The following BTBD2 variants were observed in gnomAD, a reference collection of about 807,000 sequenced individuals.
BTBD2 encodes the protein BTB domain containing 2.
In BTBD2, 15 loss-of-function variants were observed where a neutral mutation model predicts 44.0. The ratio of observed to expected loss-of-function variants is 0.34; its 90% confidence interval spans 0.23 to 0.53. The LOEUF is 0.53. Ranked by LOEUF, BTBD2 falls within the 20% of genes least tolerant of loss-of-function variation. BTBD2 has a pLI of 0.95. For synonymous variants in BTBD2, 443 were observed against 335.9 expected (o/e 1.32, Z -3.49); for missense variants, 657 against 746.4 (o/e 0.88, Z 1.39).
chr19:2,001,768 C>T (rs1227643645), intron 1 of BTBD2, among the ~76,000 whole-genome samples: 3 of 152,216 alleles, frequency 2.0e-5, no homozygotes, highest in African/African-American at 7.2e-5. Flanking sequence ...GACGGAGTCT[C>T]GCTCTGCCGC....
intron 3 of BTBD2, 55 bp downstream of exon 3, chr19:1,992,965 G>C (rs1201779792): frequency 3.5e-5 from 15 of 433,264 alleles, no homozygotes; most frequent in Non-Finnish European, 4.6e-5. Flanking sequence ...CCCCACCCCG[G>C]CCCCGCCTCC....
chr19:1,997,332 C>T lies in BTBD2; in HGVS notation c.527+12G>A, dbSNP rs200511904. 8 of 1,613,858 alleles carry T rather than the reference C, an allele frequency of 5.0e-6. No homozygotes were observed. In the Admixed American group the frequency reaches 5.0e-5, roughly 10 times the overall value. On this transcript the variant is annotated intron_variant, in intron 2 of 8. Transcript: ENST00000255608. The stretch of plus-strand genomic sequence containing the variant: ...GCCCAGCTCCCCAGCAGGAAGCATC[C>T]GGAAGCATTACTTGAGCAGTGCGAG...
chr19:2,011,121 C>T (rs1336006020), intron 1 of BTBD2, among the ~76,000 whole-genome samples: 2 of 152,094 alleles, frequency 1.3e-5, no homozygotes, highest in East Asian at 1.9e-4. Flanking sequence ...GTCCCGCCAA[C>T]ACATCCAAGC....
chr19:1,989,106 G>GTATC (rs2016135627), intron 5 of BTBD2, among the ~76,000 whole-genome samples: 1 of 152,148 alleles, frequency 6.6e-6, no homozygotes, highest in South Asian at 2.1e-4. Flanking sequence ...TAAGAAGTAT[G>GTATC]TATCTAGCCA....
chr19:1,993,024 G>A lies in BTBD2; in HGVS notation c.680C>T (p.Thr227Met), dbSNP rs1167235147. Residue 227 changes from threonine to methionine, a missense_variant, in exon 3 of 9, where the codon ACG (threonine) becomes ATG (methionine). Thr to Met is a moderately conservative substitution (Grantham distance 81). Transcript: ENST00000255608. ...CCTCGTACCGGCCCCGCCCACCTGC[G>A]TGAGCAGCATGAAGGCGTTGTCGGC... ...LRADNAFMLL[T>M]QARLFDEPQL... 6 of 1,520,992 alleles carry A rather than the reference G, an allele frequency of 3.9e-6. No homozygotes were observed. The highest frequency in any genetic ancestry group is 5.3e-6 in the Non-Finnish European group (6 of 1,130,230). The allele number at this position is 1,520,992 out of a possible 1,614,324, so 94.2% of individuals were successfully genotyped here.
rs2016173094 is a variant in BTBD2, at chr19:1,991,230, G to A, written c.685-408C>T. ...AGCTTCCCGACCACAACATGCCCTT[G>A]GCCACTTGTGGTGGGAGGGGCCGTG... On this transcript the variant is annotated intron_variant, in intron 3 of 8. Coordinates refer to ENST00000255608, the MANE Select transcript of BTBD2 (RefSeq NM_017797.4). 2.2e-5 allele frequency: 4 copies of A among 180,298 alleles called. No homozygotes were observed. In the South Asian group the frequency reaches 4.0e-4, roughly 18 times the overall value. The allele number at this position is 180,298 out of a possible 1,614,324, so 11.2% of individuals were successfully genotyped here.
intron 1 of BTBD2, among the ~76,000 whole-genome samples, chr19:2,000,659 C>T (rs1208234254): frequency 6.6e-6 from 1 of 152,188 alleles, no homozygotes; most frequent in African/African-American, 2.4e-5. Flanking sequence ...GCCCCACTCC[C>T]GGCTGTTCCC....
At chr19:1,999,502 CA>C (rs1379449745) in intron 1 of BTBD2, among the ~76,000 whole-genome samples, 2 of 152,042 alleles carry the variant, frequency 1.3e-5, no homozygotes, top group Non-Finnish European at 2.9e-5. Context: ...CCCATCTCTA[CA>C]AAAACATTGA....
At chr19:2,009,195 TTTTTC>T (rs139715096) in intron 1 of BTBD2, among the ~76,000 whole-genome samples, 70,894 of 149,838 alleles carry the variant, frequency 0.47, 17,953 homozygotes, top group East Asian at 0.69. Flanking sequence ...ATTTTTGTGG[TTTTTC>T]TTTTTTCTTC....
chr19:2,003,759 G>C (rs1197837386), intron 1 of BTBD2, among the ~76,000 whole-genome samples: 1 of 133,966 alleles, frequency 7.5e-6, no homozygotes, highest in Non-Finnish European at 1.6e-5. Context: ...CAACAAAAAC[G>C]AAACTCCGTC....
At position 1,986,320 on chromosome 19, in the gene BTBD2, G is replaced by T. The variant is rs2016080276; in HGVS notation, c.*168C>A. The T allele has an allele frequency of 7.1e-6, 6 of 849,882 alleles. No individual in the cohort carries two copies. The highest frequency in any genetic ancestry group is 1.1e-5 in the Non-Finnish European group (6 of 553,398). The allele number at this position is 849,882 out of a possible 1,614,324, so 52.6% of individuals were successfully genotyped here. A position where few individuals can be genotyped will look rare whatever the true frequency, so the allele number is the denominator to read the frequency against. On this transcript the variant is annotated 3_prime_UTR_variant, in exon 9 of 9. Coordinates refer to ENST00000255608, the MANE Select transcript of BTBD2 (RefSeq NM_017797.4). ...CTGATCCAGCAGCCACACTCGTGGTGAACACAGGGCAACCCCGTCCTGATG... is the reference window on the plus strand; with the variant it reads ...CTGATCCAGCAGCCACACTCGTGGTTAACACAGGGCAACCCCGTCCTGATG...
intron 7 of BTBD2, 44 bp from the exon 8 acceptor site, chr19:1,987,020 C>A: frequency 6.3e-7 from 1 of 1,598,736 alleles, no homozygotes; most frequent in Non-Finnish European, 8.5e-7. Context: ...TGGGGAGGGC[C>A]AACGGGGACC....
chr19:2,014,848 G>T (rs1330835755), intron 1 of BTBD2, among the ~76,000 whole-genome samples: 1 of 150,848 alleles, frequency 6.6e-6, no homozygotes, highest in Admixed American at 6.6e-5. Context: ...GAACAGGCTG[G>T]GGGCGCAAGC....
chr19:1,993,075 A>G lies in BTBD2; in HGVS notation c.629T>C (p.Val210Ala), dbSNP rs1225310638. The G allele has an allele frequency of 6.2e-7, 1 of 1,604,912 alleles. No individual in the cohort carries two copies. Among genetic ancestry groups the G allele is most frequent in the Non-Finnish European group, 8.5e-7 (1 of 1,178,134 alleles). Residue 210 changes from valine to alanine, a missense_variant, in exon 3 of 9, where the codon GTG becomes GCG. Around this residue, in one of 3 missense-constraint regions of BTBD2, gnomAD observed 449 missense variants for 510.9 expected, o/e 0.88. Transcript: ENST00000255608. The stretch of plus-strand genomic sequence containing the variant: ...TCGCAGGTTCTTCTTCAGGAACTCC[A>G]CGCAATGGGCCTCGAGCGCTGGCAC... ...YAVPALEAHC[V>A]EFLKKNLRAD...
chr19:1,992,723 C>T (rs2016195980), intron 3 of BTBD2, among the ~76,000 whole-genome samples: 1 of 152,090 alleles, frequency 6.6e-6, no homozygotes. Context: ...AGGTGCCCGC[C>T]ACCACGCCCG....
intron 1 of BTBD2, among the ~76,000 whole-genome samples, chr19:2,006,963 T>C (rs534914950): frequency 6.6e-6 from 1 of 152,180 alleles, no homozygotes; most frequent in Non-Finnish European, 1.5e-5. Flanking sequence ...GTTCAAGCAA[T>C]TCTCCTGCCT....
At chr19:2,011,973 G>A (rs546937662) in intron 1 of BTBD2, among the ~76,000 whole-genome samples, 1 of 152,006 alleles carries the variant, frequency 6.6e-6, no homozygotes. Context: ...TCCTGCCTCA[G>A]CCTCCCAAGT....
In BTBD2 at chr19:1,987,456, C is replaced by A. The variant is rs750638551; in HGVS notation, c.1181+44G>T. Reference sequence around the variant, plus strand: ...CCCATCTCCGTCATCCCCGAGTCCTCCACCCCCATGTCCGGACCCCCCCGC... The same window carrying A: ...CCCATCTCCGTCATCCCCGAGTCCTACACCCCCATGTCCGGACCCCCCCGC... On this transcript the variant is annotated intron_variant, in intron 6 of 8. Transcript: ENST00000255608. The A allele has an allele frequency of 6.0e-6, 7 of 1,175,062 alleles. No individual in the cohort carries two copies. In the Admixed American group the frequency reaches 1.0e-4, roughly 18 times the overall value. The allele number at this position is 1,175,062 out of a possible 1,614,324, so 72.8% of individuals were successfully genotyped here.
rs151024264 is a variant in BTBD2 at position 2,006,284 on chromosome 19, C to T, written c.408-8821G>A. The stretch of plus-strand genomic sequence containing the variant: ...TGGACAGCACACATCCAAACCATCC[C>T]GCTTACTACAGGATACTCTACTGCA... On this transcript the variant is annotated intron_variant, in intron 1 of 8. Coordinates refer to ENST00000255608, the MANE Select transcript of BTBD2 (RefSeq NM_017797.4). Among the ~76,000 whole-genome samples the T allele has an allele frequency of 1.8e-4, 27 of 152,132 alleles. No homozygotes were observed. In the East Asian group the frequency reaches 5.0e-3, roughly 28 times the overall value.
Sources: allele counts gnomAD v4.1 joint callset (sites outside exome capture counted in the v4.1 genomes callset), GRCh38; gene constraint gnomAD v4.1.1; regional missense constraint gnomAD v4.1.1; transcripts MANE v1.5; gene names NCBI Gene and HGNC (gene_info 2026-07-23, HGNC 2026-07-21).